The following TBC1D22A variants were observed in gnomAD, a reference collection of about 807,000 sequenced individuals.
The protein encoded by TBC1D22A is putative GTPase activator.
In TBC1D22A, 38 loss-of-function variants were observed where a neutral mutation model predicts 60.2. The ratio of observed to expected loss-of-function variants is 0.63; its 90% CI spans 0.49 to 0.83. The LOEUF (loss-of-function observed/expected upper bound fraction) is 0.83. Ranked by LOEUF, TBC1D22A falls within the 40% of genes least tolerant of loss-of-function variation. The pLI is 0.00. For missense variants in TBC1D22A, 628 were observed against 701.0 expected (o/e 0.90, Z 1.18); for synonymous variants, 302 against 281.7 (o/e 1.07, Z -0.72).
At chr22:47,104,035 G>T (rs759524808) in intron 11 of TBC1D22A, among the ~76,000 whole-genome samples, 20 of 152,266 alleles carry the variant, frequency 1.3e-4, no homozygotes, top group Non-Finnish European at 2.8e-4. Flanking sequence ...GGCTGGGCAC[G>T]GTGGCTCACG....
intron 12 of TBC1D22A, among the ~76,000 whole-genome samples, chr22:47,119,552 AGTGGG>A (rs1336093967): frequency 6.6e-6 from 1 of 150,812 alleles, no homozygotes; most frequent in Non-Finnish European, 1.5e-5. Flanking sequence ...GCTGGTGTAC[AGTGGG>A]GCGATCTCGG....
intron 4 of TBC1D22A, among the ~76,000 whole-genome samples, chr22:46,862,935 A>G (rs751226426): frequency 2.6e-5 from 4 of 152,198 alleles, no homozygotes; most frequent in African/African-American, 4.8e-5. Context: ...TTTCTGTTTT[A>G]GAAATTTTGC....
chr22:47,134,810 C>G (rs2066803044), intron 12 of TBC1D22A, among the ~76,000 whole-genome samples: 1 of 152,204 alleles, frequency 6.6e-6, no homozygotes, highest in South Asian at 2.1e-4. Context: ...CCGAGCACCC[C>G]CAAATTGAGA....
intron 11 of TBC1D22A, among the ~76,000 whole-genome samples, chr22:47,051,219 ATGT>A (rs1195735246): frequency 2.0e-5 from 3 of 152,278 alleles, no homozygotes; most frequent in South Asian, 4.1e-4. Flanking sequence ...CATTCCAGTA[ATGT>A]TGTTGTCTCT....
chr22:47,120,468 T>C (rs58420089), intron 12 of TBC1D22A, among the ~76,000 whole-genome samples: 1 of 152,176 alleles, frequency 6.6e-6, no homozygotes, highest in African/African-American at 2.4e-5. Flanking sequence ...GCTTTTTAAG[T>C]TCATGGGCTC....
At chr22:46,938,436 C>G (rs1025585578) in intron 8 of TBC1D22A, among the ~76,000 whole-genome samples, 1 of 152,082 alleles carries the variant, frequency 6.6e-6, no homozygotes, top group African/African-American at 2.4e-5. Flanking sequence ...ATGAAATAGA[C>G]GAGTGATGCA....
chr22:47,053,061 C>T (rs2063279941), intron 11 of TBC1D22A, among the ~76,000 whole-genome samples: 3 of 152,202 alleles, frequency 2.0e-5, no homozygotes, highest in Admixed American at 2.0e-4. Flanking sequence ...TGGGCACCTT[C>T]ACTGTGTGTG....
rs532040647 is a variant in TBC1D22A, at chr22:46,974,550, C to G, written c.1125+151C>G. ...TACATCTGGAATAGCACAGACCCCT[C>G]CGGGTTGACGAGGGGTGAGACACAG... On this transcript the variant is annotated intron_variant, in intron 9 of 12. Coordinates refer to ENST00000337137, the MANE Select transcript of TBC1D22A (RefSeq NM_014346.5). 121 of 677,686 alleles carry G rather than the reference C, an allele frequency of 1.8e-4. No homozygotes were observed. The South Asian group carries it at 2.1e-3, about 12-fold the overall frequency. 42.0% of individuals were successfully genotyped at this position (677,686 alleles called of 1,614,324 possible). A position where few individuals can be genotyped will look rare whatever the true frequency, so the allele number is the denominator to read the frequency against.
chr22:46,931,853 C>A (rs2071370463), intron 8 of TBC1D22A, among the ~76,000 whole-genome samples: 1 of 152,168 alleles, frequency 6.6e-6, no homozygotes, highest in Non-Finnish European at 1.5e-5. Context: ...GCATGTTATG[C>A]ATAATTTTTA....
chr22:47,033,797 G>T (rs2062566503), intron 10 of TBC1D22A, among the ~76,000 whole-genome samples: 1 of 152,180 alleles, frequency 6.6e-6, no homozygotes, highest in Non-Finnish European at 1.5e-5. Context: ...GGTGTTGTTG[G>T]TCACCTGGTG....
chr22:47,068,403 G>C (rs560264396), intron 11 of TBC1D22A, among the ~76,000 whole-genome samples: 1 of 152,246 alleles, frequency 6.6e-6, no homozygotes, highest in Non-Finnish European at 1.5e-5. Context: ...TCTGAAGTCC[G>C]TGTGTCAGTC....
chr22:46,798,919 A>G (rs1234630668), intron 4 of TBC1D22A, among the ~76,000 whole-genome samples: 1 of 152,210 alleles, frequency 6.6e-6, no homozygotes, highest in East Asian at 1.9e-4. Flanking sequence ...CAGCGGTTCA[A>G]AGGGCATGGC....
At chr22:47,119,816 A>C (rs2066208205) in intron 12 of TBC1D22A, among the ~76,000 whole-genome samples, 1 of 152,110 alleles carries the variant, frequency 6.6e-6, no homozygotes, top group Non-Finnish European at 1.5e-5. Flanking sequence ...ATTTATAAAC[A>C]ATGGAAATGT....
At chr22:47,109,478 C>T (rs978431818) in intron 11 of TBC1D22A, among the ~76,000 whole-genome samples, 1 of 152,194 alleles carries the variant, frequency 6.6e-6, no homozygotes, top group East Asian at 1.9e-4. Flanking sequence ...CCCCAGCTCG[C>T]TGGTCATTCC....
At chr22:47,150,711 C>T (rs553517111) in intron 12 of TBC1D22A, among the ~76,000 whole-genome samples, 5 of 152,312 alleles carry the variant, frequency 3.3e-5, no homozygotes, top group East Asian at 1.9e-4. Flanking sequence ...AAGGCCAGTA[C>T]GCGGTCTCCC....
intron 8 of TBC1D22A, among the ~76,000 whole-genome samples, chr22:46,962,635 G>A (rs2073570156): frequency 6.9e-6 from 1 of 145,000 alleles, no homozygotes; most frequent in Non-Finnish European, 1.5e-5. Context: ...CTGTGTAGAC[G>A]AGGGGATTGC....
In TBC1D22A at chr22:46,982,385, G is replaced by A. The variant is rs977247787; in HGVS notation, c.1125+7986G>A. 5.9e-5 allele frequency among the ~76,000 whole-genome samples: 9 copies of A among 151,968 alleles called. No homozygotes were observed. The South Asian group carries it at 8.3e-4, about 14-fold the overall frequency. ...ACTACAGGCACCCGCCTCCACGCCC[G>A]GCTAATTTTTATATTTTTAGTAGAG... is the stretch of plus-strand genomic sequence containing the variant. On this transcript the variant is annotated intron_variant, in intron 9 of 12. Transcript: ENST00000337137.
intron 8 of TBC1D22A, among the ~76,000 whole-genome samples, chr22:46,972,235 C>T (rs1458283904): frequency 6.6e-6 from 1 of 152,226 alleles, no homozygotes; most frequent in Non-Finnish European, 1.5e-5. Context: ...ATTGATGTTT[C>T]CAATCTTTAA....
chr22:46,804,557 G>A (rs1048342864), intron 4 of TBC1D22A, among the ~76,000 whole-genome samples: 3 of 152,290 alleles, frequency 2.0e-5, no homozygotes, highest in South Asian at 2.1e-4. Context: ...CAGTGAACAC[G>A]CTGGCTCCCC....
Sources: gnomAD v4.1 joint callset for allele counts (sites outside exome capture counted in the v4.1 genomes callset) on GRCh38, gnomAD v4.1.1 for gene constraint, MANE v1.5 for transcripts, NCBI Gene and HGNC (gene_info 2026-07-23, HGNC 2026-07-21) for gene names.